Variants in KCNJ6 observed in about 807,000 individuals in gnomAD.
The protein encoded by KCNJ6 is potassium inwardly rectifying channel subfamily J member 6, also known as G protein-activated inward rectifier potassium channel 2.
Under a neutral mutation model 34.2 loss-of-function variants are expected in KCNJ6, and 9 were observed. That is an observed-to-expected ratio of 0.26 (90% CI 0.16 to 0.46). KCNJ6 has a LOEUF of 0.46. Among genes scored for constraint, KCNJ6 ranks in the 20% least tolerant of loss-of-function variants. The pLI is 1.00. For synonymous variants in KCNJ6, 196 were observed against 207.1 expected (o/e 0.95, Z 0.46); for missense variants, 236 against 531.3 (o/e 0.44, Z 5.46).
chr21:37,901,527 C>T (rs544092209), intron 1 of KCNJ6, among the ~76,000 whole-genome samples: 106 of 152,216 alleles, frequency 7.0e-4, no homozygotes, highest in Non-Finnish European at 1.9e-4. Flanking sequence ...TTGACTTTAC[C>T]GTAAAACTTT....
rs572877853 is a variant in KCNJ6, at chr21:37,659,282, G to A, written c.947-33798C>T. ...GAGGCTGCATTCCTGACCACGAACT[G>A]AGCACCAAATAAGTCATGGACATGC... On this transcript the variant is annotated intron_variant, in intron 3 of 3. Coordinates refer to ENST00000609713, the MANE Select transcript of KCNJ6 (RefSeq NM_002240.5). Among the ~76,000 whole-genome samples the A allele has an allele frequency of 3.5e-4, 54 of 152,176 alleles. 1 individual carries two copies. Among genetic ancestry groups the A allele is most frequent in the Admixed American group, 5.2e-4 (8 of 15,278 alleles).
intron 3 of KCNJ6, among the ~76,000 whole-genome samples, chr21:37,630,754 A>G (rs985028739): frequency 2.0e-5 from 3 of 152,236 alleles, no homozygotes; most frequent in Non-Finnish European, 4.4e-5. Context: ...TAACATAGCC[A>G]TTACCTCACA....
At chr21:37,763,798 C>T (rs1456167781) in intron 2 of KCNJ6, among the ~76,000 whole-genome samples, 1 of 152,004 alleles carries the variant, frequency 6.6e-6, no homozygotes, top group Non-Finnish European at 1.5e-5. Context: ...ATAGTTTGCT[C>T]AGAATGTGGG....
intron 1 of KCNJ6, among the ~76,000 whole-genome samples, chr21:37,875,063 G>C (rs2055670996): frequency 3.9e-5 from 6 of 152,068 alleles, no homozygotes. Context: ...CCGACGATTG[G>C]CGAGGTCCTG....
intron 3 of KCNJ6, among the ~76,000 whole-genome samples, chr21:37,697,316 A>G (rs2054668040): frequency 3.3e-5 from 5 of 152,156 alleles, no homozygotes; most frequent in Admixed American, 3.3e-4. Flanking sequence ...CTCATGGAAG[A>G]GGCAGAGCTT....
chr21:37,821,978 G>C (rs758397162), intron 2 of KCNJ6, among the ~76,000 whole-genome samples: 2 of 152,192 alleles, frequency 1.3e-5, no homozygotes, highest in Non-Finnish European at 2.9e-5. Flanking sequence ...CTGCATATCT[G>C]AGTCAATGTG....
chr21:37,744,202 A>G (rs1001536448), intron 2 of KCNJ6, among the ~76,000 whole-genome samples: 11 of 151,148 alleles, frequency 7.3e-5, no homozygotes, highest in African/African-American at 2.4e-4. Context: ...TAGGAGATAT[A>G]CCTAATGCTA....
At position 37,699,672 on chromosome 21, in the gene KCNJ6, C is replaced by A. The variant is rs181991964; in HGVS notation, c.946+14539G>T. Among the ~76,000 whole-genome samples the A allele has an allele frequency of 2.9e-4, 44 of 152,302 alleles. 1 individual carries two copies. Among genetic ancestry groups the A allele is most frequent in the East Asian group, 1.9e-4 (1 of 5,184 alleles). On this transcript the variant is annotated intron_variant, in intron 3 of 3. Coordinates refer to ENST00000609713, the MANE Select transcript of KCNJ6 (RefSeq NM_002240.5). Reference sequence around the variant, plus strand: ...GAGAGTCTCTGTTGGACTAGACCCACTTTAAAAAGGGGCACAGGGATATTC... The same window carrying A: ...GAGAGTCTCTGTTGGACTAGACCCAATTTAAAAAGGGGCACAGGGATATTC...
chr21:37,842,927 G>A (rs753080036), intron 1 of KCNJ6, among the ~76,000 whole-genome samples: 4 of 152,136 alleles, frequency 2.6e-5, no homozygotes, highest in Non-Finnish European at 4.4e-5. Flanking sequence ...GTGTCAGTCC[G>A]TCTAGCTGTA....
At chr21:37,628,993 G>A (rs959972951) in intron 3 of KCNJ6, among the ~76,000 whole-genome samples, 10 of 152,060 alleles carry the variant, frequency 6.6e-5, no homozygotes, top group Non-Finnish European at 4.4e-5. Flanking sequence ...AACAAAAATG[G>A]AGAGACTTTG....
At chr21:37,844,463 T>G (rs1344686079) in intron 1 of KCNJ6, among the ~76,000 whole-genome samples, 1 of 152,086 alleles carries the variant, frequency 6.6e-6, no homozygotes, top group Non-Finnish European at 1.5e-5. Context: ...TGAAGGTTTA[T>G]CATGAAATAG....
At chr21:37,879,355 A>AC (rs761903783) in intron 1 of KCNJ6, among the ~76,000 whole-genome samples, 1 of 152,134 alleles carries the variant, frequency 6.6e-6, no homozygotes, top group Non-Finnish European at 1.5e-5. Context: ...CCCCTGCAGC[A>AC]CGTATGCTCC....
chr21:37,698,118 T>C (rs2054672047), intron 3 of KCNJ6, among the ~76,000 whole-genome samples: 3 of 152,264 alleles, frequency 2.0e-5, no homozygotes, highest in African/African-American at 7.2e-5. Flanking sequence ...ATGTTAATAA[T>C]AGTACTGTTT....
intron 2 of KCNJ6, among the ~76,000 whole-genome samples, chr21:37,728,856 T>G (rs563937811): frequency 6.6e-6 from 1 of 152,216 alleles, no homozygotes; most frequent in Non-Finnish European, 1.5e-5. Flanking sequence ...TTTTGGTCCC[T>G]TGCCCTGATG....
In KCNJ6 at chr21:37,695,045, C is replaced by T. The variant is rs1484151120; in HGVS notation, c.946+19166G>A. Among the ~76,000 whole-genome samples, 1 of 152,188 alleles carries T rather than the reference C, an allele frequency of 6.6e-6. No individual in the cohort carries two copies. Among genetic ancestry groups the T allele is most frequent in the Non-Finnish European group, 1.5e-5 (1 of 68,040 alleles). On this transcript the variant is annotated intron_variant, in intron 3 of 3. Transcript: ENST00000609713. This position sits in a 1 kb window ranked among gnomAD's most constrained non-coding sequence, Gnocchi z 4.2. ...GCCTATGATATTTTGTTATGGCAGCCTGAGCTGACTAATATACACAGCATA... is the reference window on the plus strand; with the variant it reads ...GCCTATGATATTTTGTTATGGCAGCTTGAGCTGACTAATATACACAGCATA...
chr21:37,766,709 G>A lies in KCNJ6; in HGVS notation c.26-51578C>T, dbSNP rs2055093110. Among the ~76,000 whole-genome samples, 4 of 152,224 alleles carry A rather than the reference G, an allele frequency of 2.6e-5. No homozygotes were observed. The East Asian group carries it at 7.7e-4, about 29-fold the overall frequency. ...GAAACGATCACTGAATCTAGACCAG[G>A]GGTCCCCAAACCGTGGGCCATGAAC... On this transcript the variant is annotated intron_variant, in intron 2 of 3. Coordinates refer to ENST00000609713, the MANE Select transcript of KCNJ6 (RefSeq NM_002240.5).
intron 2 of KCNJ6, among the ~76,000 whole-genome samples, chr21:37,785,931 G>A (rs1445646969): frequency 6.6e-6 from 1 of 152,246 alleles, no homozygotes; most frequent in Non-Finnish European, 1.5e-5. Context: ...TGCTATCTCT[G>A]AGTAAGAGAG....
At chr21:37,692,460 A>G (rs2054644344) in intron 3 of KCNJ6, among the ~76,000 whole-genome samples, 1 of 152,156 alleles carries the variant, frequency 6.6e-6, no homozygotes, top group Admixed American at 6.5e-5. Context: ...TCCCACACTG[A>G]TCTGCTGTAA....
intron 3 of KCNJ6, among the ~76,000 whole-genome samples, chr21:37,635,459 C>G (rs1024676771): frequency 2.6e-5 from 4 of 152,008 alleles, no homozygotes; most frequent in African/African-American, 9.7e-5. Context: ...CTCAGGTGAT[C>G]TGCCTGCCTC....
Sources: gnomAD v4.1 joint callset for allele counts (sites outside exome capture counted in the v4.1 genomes callset) on GRCh38, gnomAD v4.1.1 for gene constraint, Gnocchi (gnomAD v3.1) non-coding constraint, MANE v1.5 for transcripts, NCBI Gene and HGNC (gene_info 2026-07-23, HGNC 2026-07-21) for gene names.